The following PPP3CC variants were observed in gnomAD, a reference collection of about 807,000 sequenced individuals.
PPP3CC encodes the protein protein phosphatase 3 catalytic subunit gamma.
A neutral mutation model predicts 60.3 loss-of-function variants in PPP3CC; 35 were observed. That is an observed-to-expected ratio of 0.58 (90% confidence interval 0.44 to 0.77). The LOEUF (loss-of-function observed/expected upper bound fraction) is 0.77. Among genes scored for constraint, PPP3CC ranks in the 30% least tolerant of loss-of-function variants. PPP3CC has a pLI of 0.00. For missense variants in PPP3CC, 570 were observed against 628.9 expected, an observed-to-expected ratio of 0.91 and a Z score of 1.00; for synonymous variants, 206 against 224.3, an observed-to-expected ratio of 0.92 and a Z score of 0.73.
chr8:22,491,402 T>C (rs988793476), intron 3 of PPP3CC, among the ~76,000 whole-genome samples: 1 of 152,210 alleles, frequency 6.6e-6, no homozygotes, highest in Non-Finnish European at 1.5e-5. Flanking sequence ...AGTATTCTAC[T>C]GTTTTAATTA....
intron 4 of PPP3CC, among the ~76,000 whole-genome samples, chr8:22,507,629 G>A (rs1838962131): frequency 6.6e-6 from 1 of 152,126 alleles, no homozygotes; most frequent in Non-Finnish European, 1.5e-5. Context: ...GTTTCTGTGA[G>A]TATTAAATAC....
chr8:22,532,644 C>T (rs139349313), intron 11 of PPP3CC, among the ~76,000 whole-genome samples: 2 of 152,140 alleles, frequency 1.3e-5, no homozygotes, highest in African/African-American at 4.8e-5. Flanking sequence ...TAGGCCCTAG[C>T]GCACAGGTTG....
At chr8:22,499,049 G>A (rs953647192) in intron 4 of PPP3CC, among the ~76,000 whole-genome samples, 2 of 152,024 alleles carry the variant, frequency 1.3e-5, no homozygotes, top group African/African-American at 4.8e-5. Flanking sequence ...GCTTGAACCC[G>A]GGAGATGGAG....
chr8:22,488,202 G>A (rs186314555), intron 3 of PPP3CC, among the ~76,000 whole-genome samples: 1 of 152,234 alleles, frequency 6.6e-6, no homozygotes, highest in East Asian at 1.9e-4. Flanking sequence ...TTCTAAATTT[G>A]TATATTGATT....
intron 1 of PPP3CC, among the ~76,000 whole-genome samples, chr8:22,461,269 A>G (rs1413172924): frequency 6.6e-6 from 1 of 152,180 alleles, no homozygotes; most frequent in Non-Finnish European, 1.5e-5. Context: ...ACACAGTATA[A>G]TAAAAGTTTG....
In PPP3CC at chr8:22,511,074, C is replaced by CT; in HGVS notation, c.485-6dup. On this transcript the variant is annotated splice_polypyrimidine_tract_variant and intron_variant, in intron 4 of 13. Coordinates refer to ENST00000240139, the MANE Select transcript of PPP3CC (RefSeq NM_005605.5). Reference sequence around the variant, plus strand: ...TTAGTTCTTCCATTGACTGGTTTTCCTTTTTTGTTAGGTCGAATCAAATAT... The same window carrying CT: ...TTAGTTCTTCCATTGACTGGTTTTCCTTTTTTTGTTAGGTCGAATCAAATAT... 1 of 1,612,122 alleles carries CT rather than the reference C, an allele frequency of 6.2e-7. No homozygotes were observed. Among genetic ancestry groups the CT allele is most frequent in the Non-Finnish European group, 8.5e-7 (1 of 1,179,052 alleles).
At chr8:22,489,773 T>TTA (rs1274247325) in intron 3 of PPP3CC, among the ~76,000 whole-genome samples, 2 of 138,234 alleles carry the variant, frequency 1.4e-5, no homozygotes, top group Non-Finnish European at 3.1e-5. Flanking sequence ...ATATTTTATA[T>TTA]TATATATATA....
rs185808732 is a variant in PPP3CC at position 22,535,884 on chromosome 8, G to A, written c.1321+2866G>A. 7.2e-4 allele frequency among the ~76,000 whole-genome samples: 110 copies of A among 152,134 alleles called. 1 individual carries two copies. Among genetic ancestry groups the A allele is most frequent in the Middle Eastern group, 3.4e-3 (1 of 294 alleles). On this transcript the variant is annotated intron_variant, in intron 12 of 13. Transcript: ENST00000240139. ...GTAGTTGGAACTACAGGCGTACACC[G>A]CCATGCCCGGATAATTTTTTATATT...
At chr8:22,460,109 T>TAC (rs1166313383) in intron 1 of PPP3CC, among the ~76,000 whole-genome samples, 2 of 152,174 alleles carry the variant, frequency 1.3e-5, no homozygotes, top group African/African-American at 2.4e-5. Flanking sequence ...TAACAGTAGT[T>TAC]GTCTTTGGCT....
Position 22,441,357 on chromosome 8 carries a change from G to T in PPP3CC, c.-53G>T. ...GCCCGAGGAGAAGGCGGCGGCCGCG[G>T]CGTAGGCGCACGTCCGGCGGGCTCC... On this transcript the variant is annotated 5_prime_UTR_variant, in exon 1 of 14. Transcript: ENST00000240139. 4.0e-6 allele frequency: 6 copies of T among 1,504,910 alleles called. No homozygotes were observed. The highest frequency in any genetic ancestry group is 5.3e-6 in the Non-Finnish European group (6 of 1,128,656). The allele number at this position is 1,504,910 out of a possible 1,614,324, so 93.2% of individuals were successfully genotyped here.
At chr8:22,497,404 C>T (rs1445497441) in intron 3 of PPP3CC, among the ~76,000 whole-genome samples, 3 of 151,876 alleles carry the variant, frequency 2.0e-5, no homozygotes, top group African/African-American at 7.3e-5. Context: ...CTCAAGTGAG[C>T]CCCCTGCCTT....
At chr8:22,490,570 T>TTAGGTATATCTCC (rs1838371079) in intron 3 of PPP3CC, among the ~76,000 whole-genome samples, 4 of 152,122 alleles carry the variant, frequency 2.6e-5, no homozygotes, top group African/African-American at 9.6e-5. Context: ...GTCATTTACA[T>TTAGGTATATCTCC]TAGGTATATC....
intron 12 of PPP3CC, among the ~76,000 whole-genome samples, chr8:22,534,659 T>C (rs964218774): frequency 1.3e-5 from 2 of 152,234 alleles, no homozygotes; most frequent in African/African-American, 4.8e-5. Flanking sequence ...GTAGCTTTAT[T>C]CATAATAGCT....
intron 3 of PPP3CC, 76 bp from the exon 4 acceptor site, chr8:22,497,925 C>A: frequency 1.1e-6 from 1 of 921,488 alleles, no homozygotes; most frequent in Non-Finnish European, 1.6e-6. Context: ...TACAGCAAGT[C>A]ATTTGAATTA....
chr8:22,529,695 G>T (rs1009136700), intron 10 of PPP3CC, among the ~76,000 whole-genome samples: 1 of 152,068 alleles, frequency 6.6e-6, no homozygotes, highest in Admixed American at 6.6e-5. Context: ...TGTTGCCCAG[G>T]CTAGTCTGGA....
In PPP3CC at chr8:22,441,382, C is replaced by A; in HGVS notation, c.-28C>A. ...GCGTAGGCGCACGTCCGGCGGGCTC[C>A]TGGAGCCTGGAGGAGGCCGAGGGGA... On this transcript the variant is annotated 5_prime_UTR_variant, in exon 1 of 14. In the 5' UTR this introduces an upstream ATG that the reference lacks. Coordinates refer to ENST00000240139, the MANE Select transcript of PPP3CC (RefSeq NM_005605.5). 1 of 1,526,852 alleles carries A rather than the reference C, an allele frequency of 6.5e-7. No individual in the cohort carries two copies. Among genetic ancestry groups the A allele is most frequent in the East Asian group, 2.6e-5 (1 of 38,538 alleles). The allele number at this position is 1,526,852 out of a possible 1,614,324, so 94.6% of individuals were successfully genotyped here. A position where few individuals can be genotyped will look rare whatever the true frequency, so the allele number is the denominator to read the frequency against.
intron 1 of PPP3CC, among the ~76,000 whole-genome samples, chr8:22,463,062 A>G (rs1166971927): frequency 6.6e-6 from 1 of 152,184 alleles, no homozygotes; most frequent in Non-Finnish European, 1.5e-5. Flanking sequence ...TTTGCCAAGG[A>G]TAAGCATCTT....
intron 6 of PPP3CC, among the ~76,000 whole-genome samples, chr8:22,519,931 CA>C (rs1446177144): frequency 5.8e-5 from 7 of 121,484 alleles, no homozygotes; most frequent in Non-Finnish European, 1.1e-4. Context: ...GCTGGGATTA[CA>C]GGCACGAGCC....
At chr8:22,490,335 C>A (rs557606632) in intron 3 of PPP3CC, among the ~76,000 whole-genome samples, 1 of 152,124 alleles carries the variant, frequency 6.6e-6, no homozygotes, top group Non-Finnish European at 1.5e-5. Context: ...TGTATTCTGT[C>A]GGGTTCCCAG....
Sources: allele counts gnomAD v4.1 joint callset (sites outside exome capture counted in the v4.1 genomes callset), GRCh38; gene constraint gnomAD v4.1.1; transcripts MANE v1.5; gene names NCBI Gene and HGNC (gene_info 2026-07-23, HGNC 2026-07-21).